Variants in INSYN2A observed in about 807,000 individuals in gnomAD.
The protein encoded by INSYN2A is family with sequence similarity 196 member A.
A neutral mutation model predicts 39.4 loss-of-function variants in INSYN2A; 17 were observed. The ratio of observed to expected loss-of-function variants is 0.43; its 90% confidence interval spans 0.30 to 0.65. The LOEUF is 0.65. Ranked by LOEUF, INSYN2A falls within the 30% of genes least tolerant of loss-of-function variation. INSYN2A has a pLI of 0.14. For synonymous variants in INSYN2A, 255 were observed against 265.7 expected, an observed-to-expected ratio of 0.96 and a Z score of 0.39; for missense variants, 595 against 631.2, an observed-to-expected ratio of 0.94 and a Z score of 0.61.
At chr10:127,183,022 A>G (rs2055880427) in intron 2 of INSYN2A, among the ~76,000 whole-genome samples, 1 of 150,338 alleles carries the variant, frequency 6.7e-6, no homozygotes, top group Non-Finnish European at 1.5e-5. Context: ...ACAAAGATAC[A>G]TACTAGAATG....
Position 127,137,220 on chromosome 10 carries a change from T to C in INSYN2A, c.*617A>G, listed in dbSNP as rs2133220983. On this transcript the variant is annotated 3_prime_UTR_variant, in exon 6 of 6. Transcript: ENST00000522781. Reference sequence around the variant, plus strand: ...AGAGGATGCTAAATTTGAGGTGTCGTTGTGACACTGAGATGTGGTCACTTG... The same window carrying C: ...AGAGGATGCTAAATTTGAGGTGTCGCTGTGACACTGAGATGTGGTCACTTG... 2 of 152,758 alleles carry C rather than the reference T, an allele frequency of 1.3e-5. No homozygotes were observed. The highest frequency in any genetic ancestry group is 4.1e-4 in the South Asian group (2 of 4,824). 9.5% of individuals were successfully genotyped at this position (152,758 alleles called of 1,614,324 possible). A position where few individuals can be genotyped will look rare whatever the true frequency, so the allele number is the denominator to read the frequency against.
intron 4 of INSYN2A, among the ~76,000 whole-genome samples, chr10:127,168,971 GTCTC>G (rs1373717928): frequency 6.6e-6 from 1 of 152,270 alleles, no homozygotes; most frequent in East Asian, 1.9e-4. Context: ...CCCCTGACAG[GTCTC>G]TCTGATTCTG....
intron 2 of INSYN2A, among the ~76,000 whole-genome samples, chr10:127,183,429 A>G (rs1346779328): frequency 4.6e-5 from 7 of 152,218 alleles, no homozygotes; most frequent in African/African-American, 1.7e-4. Flanking sequence ...GCCAAATCCT[A>G]AACTTTGCAT....
intron 5 of INSYN2A, among the ~76,000 whole-genome samples, chr10:127,143,527 T>A (rs1216449376): frequency 6.6e-6 from 1 of 152,188 alleles, no homozygotes; most frequent in East Asian, 1.9e-4. Flanking sequence ...GAACAAGGCC[T>A]GGGCCCAGGA....
intron 4 of INSYN2A, among the ~76,000 whole-genome samples, chr10:127,155,713 C>G (rs1442422084): frequency 2.0e-5 from 3 of 152,314 alleles, no homozygotes; most frequent in Admixed American, 1.3e-4. Flanking sequence ...GGCTCTTCCA[C>G]ATGATGACAT....
At chr10:127,178,567 G>A (rs1359694779) in intron 2 of INSYN2A, among the ~76,000 whole-genome samples, 3 of 152,212 alleles carry the variant, frequency 2.0e-5, no homozygotes, top group African/African-American at 7.2e-5. Flanking sequence ...ACCTCTGGAT[G>A]CCTCGGGCTC....
intron 5 of INSYN2A, among the ~76,000 whole-genome samples, chr10:127,139,832 C>T (rs931742972): frequency 1.3e-5 from 2 of 152,126 alleles, no homozygotes; most frequent in African/African-American, 4.8e-5. Flanking sequence ...TGCCCATGAA[C>T]GAGCCTCCTA....
intron 2 of INSYN2A, among the ~76,000 whole-genome samples, chr10:127,182,122 G>A (rs543721648): frequency 8.9e-4 from 136 of 152,180 alleles, no homozygotes; most frequent in African/African-American, 3.1e-3. Flanking sequence ...GGCACGCCCC[G>A]TTCCCTCGAT....
At chr10:127,138,276 G>A (rs1051006302) in intron 5 of INSYN2A, among the ~76,000 whole-genome samples, 1 of 152,196 alleles carries the variant, frequency 6.6e-6, no homozygotes, top group African/African-American at 2.4e-5. Flanking sequence ...CACAGTTGGT[G>A]TATGTATTTG....
rs987148194 is a variant in INSYN2A, at chr10:127,136,488, A to T, written c.*1349T>A. 2 of 152,418 alleles carry T rather than the reference A, an allele frequency of 1.3e-5. No individual in the cohort carries two copies. The highest frequency in any genetic ancestry group is 6.5e-5 in the Admixed American group (1 of 15,278). 9.4% of individuals were successfully genotyped at this position (152,418 alleles called of 1,614,324 possible). On this transcript the variant is annotated 3_prime_UTR_variant, in exon 6 of 6. Coordinates refer to ENST00000522781, the MANE Select transcript of INSYN2A (RefSeq NM_001039762.3). ...AAAATTTAAGTTGTACAAAAAAAAAAAAAAAGGCAAAGTAAGATCCCTACT... is the reference window on the plus strand; with the variant it reads ...AAAATTTAAGTTGTACAAAAAAAAATAAAAAGGCAAAGTAAGATCCCTACT...
At chr10:127,153,425 G>A (rs1393032796) in intron 5 of INSYN2A, among the ~76,000 whole-genome samples, 1 of 152,152 alleles carries the variant, frequency 6.6e-6, no homozygotes, top group East Asian at 1.9e-4. Context: ...AGAGTTCCCA[G>A]GAAATGAAAT....
chr10:127,175,297 T>G lies in INSYN2A; in HGVS notation c.1099A>C (p.Asn367His), dbSNP rs759159621. 1.9e-6 allele frequency: 3 copies of G among 1,614,130 alleles called. No homozygotes were observed. Among genetic ancestry groups the G allele is most frequent in the Non-Finnish European group, 2.5e-6 (3 of 1,180,022 alleles). ...GTTTCTTGGCTTGAACTGATCAAGTTCTCCATCATCTGAAGTTGTGCTTTG... is the reference window on the plus strand; with the variant it reads ...GTTTCTTGGCTTGAACTGATCAAGTGCTCCATCATCTGAAGTTGTGCTTTG... ...DLKAQLQMME[N>H]LISSSQETIK... Residue 367 changes from asparagine to histidine, a missense_variant, in exon 4 of 6, where the codon AAC (asparagine) becomes CAC (histidine). Coordinates refer to ENST00000522781, the MANE Select transcript of INSYN2A (RefSeq NM_001039762.3). This position sits in a 1 kb window ranked among gnomAD's most constrained non-coding sequence, Gnocchi z 6.3.
chr10:127,175,077 G>T lies in INSYN2A; in HGVS notation c.1184+135C>A. ...AATAATCTGCGACCCCTTGGAGCTCGCCACGCCCTTAGACTATGACCTGTT... is the reference window on the plus strand; with the variant it reads ...AATAATCTGCGACCCCTTGGAGCTCTCCACGCCCTTAGACTATGACCTGTT... On this transcript the variant is annotated intron_variant, in intron 4 of 5. Transcript: ENST00000522781. This position sits in a 1 kb window ranked among gnomAD's most constrained non-coding sequence, Gnocchi z 6.3. 3 of 748,864 alleles carry T rather than the reference G, an allele frequency of 4.0e-6. No individual in the cohort carries two copies. Among genetic ancestry groups the T allele is most frequent in the African/African-American group, 1.7e-5 (1 of 57,266 alleles). 46.4% of individuals were successfully genotyped at this position (748,864 alleles called of 1,614,324 possible).
intron 2 of INSYN2A, among the ~76,000 whole-genome samples, chr10:127,186,938 G>C (rs538705865): frequency 6.6e-6 from 1 of 152,232 alleles, no homozygotes; most frequent in Admixed American, 6.5e-5. Context: ...GACATCTGTG[G>C]GCTGTTCCTT....
chr10:127,170,212 G>A (rs1037205325), intron 4 of INSYN2A, among the ~76,000 whole-genome samples: 2 of 152,124 alleles, frequency 1.3e-5, no homozygotes, highest in African/African-American at 4.8e-5. Context: ...TGTTACTTAG[G>A]ATTTTCTGTT....
At chr10:127,146,961 G>A (rs181859548) in intron 5 of INSYN2A, among the ~76,000 whole-genome samples, 5 of 152,238 alleles carry the variant, frequency 3.3e-5, no homozygotes, top group South Asian at 2.1e-4. Flanking sequence ...CAATACACTC[G>A]GAATCAGTGA....
chr10:127,182,283 G>A (rs1384961962), intron 2 of INSYN2A, among the ~76,000 whole-genome samples: 3 of 152,078 alleles, frequency 2.0e-5, no homozygotes, highest in Non-Finnish European at 4.4e-5. Flanking sequence ...GCATATCTGC[G>A]GTTTTAGAAA....
At chr10:127,181,720 G>T (rs117968350) in intron 2 of INSYN2A, among the ~76,000 whole-genome samples, 1 of 152,102 alleles carries the variant, frequency 6.6e-6, no homozygotes, top group Non-Finnish European at 1.5e-5. Flanking sequence ...TGGTGAAAAT[G>T]AACATCCCAT....
At chr10:127,195,608 G>A (rs1414850830) in intron 1 of INSYN2A, among the ~76,000 whole-genome samples, 1 of 152,210 alleles carries the variant, frequency 6.6e-6, no homozygotes, top group South Asian at 2.1e-4. Context: ...AAACCTTCCG[G>A]GGAGACGGCC....
Sources: gnomAD v4.1 joint callset for allele counts (sites outside exome capture counted in the v4.1 genomes callset) on GRCh38, gnomAD v4.1.1 for gene constraint, Gnocchi (gnomAD v3.1) non-coding constraint, MANE v1.5 for transcripts, NCBI Gene and HGNC (gene_info 2026-07-23, HGNC 2026-07-21) for gene names.